The following UBTD2 variants were observed in gnomAD, a reference collection of about 807,000 sequenced individuals.
UBTD2 encodes the protein ubiquitin domain-containing protein 2.
In UBTD2, 9 loss-of-function variants were observed where a neutral mutation model predicts 19.8. That is an observed-to-expected ratio of 0.46 (90% CI 0.27 to 0.79). The LOEUF (loss-of-function observed/expected upper bound fraction) is 0.79. Ranked by LOEUF, UBTD2 falls within the 30% of genes least tolerant of loss-of-function variation. The pLI is 0.14. For missense variants in UBTD2, 250 were observed against 300.4 expected, an observed-to-expected ratio of 0.83 and a Z score of 1.24; for synonymous variants, 98 against 103.9, an observed-to-expected ratio of 0.94 and a Z score of 0.35.
At chr5:172,233,003 T>C (rs1048662697) in intron 2 of UBTD2, among the ~76,000 whole-genome samples, 1 of 151,972 alleles carries the variant, frequency 6.6e-6, no homozygotes, top group Non-Finnish European at 1.5e-5. Flanking sequence ...TAGCCAGGCA[T>C]GGTGGGGAAG....
intron 2 of UBTD2, among the ~76,000 whole-genome samples, chr5:172,214,981 C>G (rs769459984): frequency 2.6e-5 from 4 of 152,080 alleles, no homozygotes; most frequent in African/African-American, 9.7e-5. Flanking sequence ...CCACTGCCCC[C>G]GAAATAGGAG....
At chr5:172,230,259 G>A (rs1272374018) in intron 2 of UBTD2, among the ~76,000 whole-genome samples, 2 of 152,124 alleles carry the variant, frequency 1.3e-5, no homozygotes, top group Non-Finnish European at 2.9e-5. Flanking sequence ...TATTAACAGA[G>A]GAAGATAATT....
chr5:172,283,716 C>CCGCCGCCGCCGCTGCAGCCTCCTCCGG lies in UBTD2; in HGVS notation c.-78_-52dup. ...ACCTCCGGACGCTCGTCCGGGCCCG[C>CCGCCGCCGCCGCTGCAGCCTCCTCCGG]CGCCGCCGCCGCTGCAGCCTCCTCC... On this transcript the variant is annotated 5_prime_UTR_variant, in exon 1 of 3. Transcript: ENST00000393792. This position sits in a 1 kb window ranked among gnomAD's most constrained non-coding sequence, Gnocchi z 4.3. 8.5e-7 allele frequency: 1 copy of CCGCCGCCGCCGCTGCAGCCTCCTCCGG among 1,171,120 alleles called. No homozygotes were observed. The highest frequency in any genetic ancestry group is 1.1e-6 in the Non-Finnish European group (1 of 942,420). The allele number at this position is 1,171,120 out of a possible 1,614,324, so 72.5% of individuals were successfully genotyped here.
intron 1 of UBTD2, among the ~76,000 whole-genome samples, chr5:172,281,203 T>C (rs971306054): frequency 6.6e-6 from 1 of 152,174 alleles, no homozygotes; most frequent in Non-Finnish European, 1.5e-5. Flanking sequence ...GCCTGGTTGG[T>C]GAATGTAATT....
At position 172,251,053 on chromosome 5, in the gene UBTD2, G is replaced by A. The variant is rs372169234; in HGVS notation, c.71-16695C>T. On this transcript the variant is annotated intron_variant, in intron 1 of 2. Coordinates refer to ENST00000393792, the MANE Select transcript of UBTD2 (RefSeq NM_152277.3). ...CTAAAGGCCGGGCACGGTAGCTCACGCCTGTAATCCCAGCACTTCGGGAGG... is the reference window on the plus strand; with the variant it reads ...CTAAAGGCCGGGCACGGTAGCTCACACCTGTAATCCCAGCACTTCGGGAGG... Among the ~76,000 whole-genome samples the A allele has an allele frequency of 2.0e-5, 3 of 151,354 alleles. No individual in the cohort carries two copies. In the South Asian group the frequency reaches 6.3e-4, roughly 32 times the overall value.
intron 1 of UBTD2, among the ~76,000 whole-genome samples, chr5:172,251,793 C>T (rs752907176): frequency 1.3e-5 from 2 of 152,204 alleles, no homozygotes; most frequent in South Asian, 2.1e-4. Flanking sequence ...AAAGAAAGGA[C>T]GTCAATGAGA....
intron 1 of UBTD2, among the ~76,000 whole-genome samples, chr5:172,255,724 G>T (rs956185727): frequency 1.3e-5 from 2 of 152,154 alleles, no homozygotes; most frequent in African/African-American, 4.8e-5. Context: ...CAAGTCCCCC[G>T]GGGCTGGCAG....
chr5:172,272,194 A>T (rs1755503828), intron 1 of UBTD2, among the ~76,000 whole-genome samples: 1 of 152,264 alleles, frequency 6.6e-6, no homozygotes, highest in South Asian at 2.1e-4. Context: ...CGCTCAGCTC[A>T]ATATACGGAT....
Position 172,265,316 on chromosome 5 carries a change from G to A in UBTD2, c.70+18280C>T, listed in dbSNP as rs571363395. ...AAATAATTTCACCCAAAACCGAAAC[G>A]AAATAATTAAAGCCGAGTAGTAAAC... On this transcript the variant is annotated intron_variant, in intron 1 of 2. Transcript: ENST00000393792. Among the ~76,000 whole-genome samples the A allele has an allele frequency of 3.3e-5, 5 of 152,274 alleles. No individual in the cohort carries two copies. In the South Asian group the frequency reaches 8.3e-4, roughly 25 times the overall value.
At chr5:172,218,752 G>A (rs1771592695) in intron 2 of UBTD2, among the ~76,000 whole-genome samples, 2 of 144,032 alleles carry the variant, frequency 1.4e-5, no homozygotes, top group Non-Finnish European at 1.5e-5. Context: ...CTCCAGCCTG[G>A]GCAAAGAGTC....
chr5:172,280,049 C>T (rs1244637876), intron 1 of UBTD2, among the ~76,000 whole-genome samples: 8 of 151,876 alleles, frequency 5.3e-5, no homozygotes, highest in Admixed American at 5.3e-4. Flanking sequence ...TTGCAGTGAG[C>T]TGAGATCGTG....
At chr5:172,273,390 A>T (rs1755537644) in intron 1 of UBTD2, among the ~76,000 whole-genome samples, 1 of 152,088 alleles carries the variant, frequency 6.6e-6, no homozygotes, top group Admixed American at 6.6e-5. Context: ...TAGGAGTTCA[A>T]AACCAGCCTG....
At chr5:172,240,624 T>A (rs1772108612) in intron 1 of UBTD2, among the ~76,000 whole-genome samples, 1 of 152,120 alleles carries the variant, frequency 6.6e-6, no homozygotes, top group African/African-American at 2.4e-5. Context: ...GTTCAAAGAC[T>A]TTTCCCCCCA....
chr5:172,242,172 G>T (rs918174179), intron 1 of UBTD2, among the ~76,000 whole-genome samples: 1 of 149,544 alleles, frequency 6.7e-6, no homozygotes, highest in African/African-American at 2.4e-5. Flanking sequence ...AGAGGCCAGT[G>T]CCATGCTTCC....
At chr5:172,267,666 T>G (rs1455167831) in intron 1 of UBTD2, among the ~76,000 whole-genome samples, 2 of 152,232 alleles carry the variant, frequency 1.3e-5, no homozygotes, top group African/African-American at 4.8e-5. Flanking sequence ...CTACAGAACT[T>G]TATGAGACTC....
intron 1 of UBTD2, among the ~76,000 whole-genome samples, chr5:172,239,417 GTCTC>G (rs928871349): frequency 1.4e-4 from 22 of 151,766 alleles, no homozygotes; most frequent in Non-Finnish European, 2.8e-4. Flanking sequence ...GTGAAACCCC[GTCTC>G]TCTCTTTTTT....
chr5:172,221,502 T>C (rs942646549), intron 2 of UBTD2, among the ~76,000 whole-genome samples: 2 of 152,006 alleles, frequency 1.3e-5, no homozygotes, highest in Non-Finnish European at 2.9e-5. Flanking sequence ...ACCCTATCTA[T>C]AAATAAATAA....
At chr5:172,241,601 GA>G (rs1241762704) in intron 1 of UBTD2, among the ~76,000 whole-genome samples, 6 of 151,982 alleles carry the variant, frequency 3.9e-5, no homozygotes, top group Non-Finnish European at 8.8e-5. Context: ...TATAATTGCA[GA>G]TGATATAATA....
At chr5:172,249,964 G>C (rs1391484381) in intron 1 of UBTD2, among the ~76,000 whole-genome samples, 2 of 152,132 alleles carry the variant, frequency 1.3e-5, no homozygotes, top group African/African-American at 2.4e-5. Flanking sequence ...ACACTGAAAG[G>C]TTTCCCTTCT....
Sources: gnomAD v4.1 joint callset for allele counts (sites outside exome capture counted in the v4.1 genomes callset) on GRCh38, gnomAD v4.1.1 for gene constraint, Gnocchi (gnomAD v3.1) non-coding constraint, MANE v1.5 for transcripts, NCBI Gene and HGNC (gene_info 2026-07-23, HGNC 2026-07-21) for gene names.